The following HDAC11 variants were observed in gnomAD, a reference collection of about 807,000 sequenced individuals.
The protein encoded by HDAC11 is histone deacetylase 11.
A neutral mutation model predicts 41.1 loss-of-function variants in HDAC11; 23 were observed. The ratio of observed to expected loss-of-function variants is 0.56; its 90% CI spans 0.40 to 0.79. The LOEUF (loss-of-function observed/expected upper bound fraction) is 0.79. Among genes scored for constraint, HDAC11 ranks in the 30% least tolerant of loss-of-function variants. The probability of loss-of-function intolerance (pLI) is 0.00; values close to 1 mark genes in which losing one functional copy is unlikely to be tolerated. For missense variants in HDAC11, 402 were observed against 477.3 expected, an observed-to-expected ratio of 0.84 and a Z score of 1.47; for synonymous variants, 187 against 186.6, an observed-to-expected ratio of 1.00 and a Z score of -0.02.
intron 3 of HDAC11, among the ~76,000 whole-genome samples, chr3:13,495,926 C>T (rs1306867749): frequency 6.6e-6 from 1 of 152,270 alleles, no homozygotes; most frequent in Admixed American, 6.5e-5. Context: ...CTGCAAGTGT[C>T]CTGGCATGAG....
intron 3 of HDAC11, among the ~76,000 whole-genome samples, chr3:13,491,041 G>C (rs559482513): frequency 2.0e-5 from 3 of 151,308 alleles, no homozygotes; most frequent in African/African-American, 7.3e-5. Context: ...GAGCCACTGC[G>C]CCTGGCCTGT....
rs377739778 is a variant in HDAC11 at position 13,495,688 on chromosome 3, G to A, written c.253-1048G>A. On this transcript the variant is annotated intron_variant, in intron 3 of 9. Coordinates refer to ENST00000295757, the MANE Select transcript of HDAC11 (RefSeq NM_024827.4). ...GTGTGAGCCTGTGCTAGGAGACCAG[G>A]CCCTGTGTGATAAGCTCAGCCTGCC... Among the ~76,000 whole-genome samples the A allele has an allele frequency of 2.6e-4, 39 of 152,268 alleles. No homozygotes were observed. The East Asian group carries it at 4.1e-3, about 16-fold the overall frequency.
At chr3:13,490,151 GC>G (rs1246009456) in intron 3 of HDAC11, among the ~76,000 whole-genome samples, 2 of 151,982 alleles carry the variant, frequency 1.3e-5, no homozygotes, top group African/African-American at 4.8e-5. Flanking sequence ...CCGGCACCAC[GC>G]CTAGCTAATT....
intron 3 of HDAC11, among the ~76,000 whole-genome samples, chr3:13,494,983 C>CCTGCCTG (rs1702029297): frequency 6.6e-6 from 1 of 152,062 alleles, no homozygotes; most frequent in African/African-American, 2.4e-5. Context: ...CCACCCTCTC[C>CCTGCCTG]CTGCCTGCTG....
In HDAC11 at chr3:13,504,535, T is replaced by C. The variant is rs1477691300; in HGVS notation, c.896T>C (p.Val299Ala). 6.2e-7 allele frequency: 1 copy of C among 1,613,530 alleles called. No homozygotes were observed. Residue 299 changes from valine (V) to alanine (A), a missense_variant, in exon 10 of 10, where the codon GTG becomes GCG. Physicochemically the swap from Val to Ala is moderately conservative, Grantham distance 64. Transcript: ENST00000295757. ...GGCCGCCGGGTGCCCATCCTTATGG[T>C]GACCTCAGGCGGGTACCAGAAGCGC... ...VRGRRVPILM[V>A]TSGGYQKRTA...
At chr3:13,482,313 A>G (rs1338132908) in intron 2 of HDAC11, among the ~76,000 whole-genome samples, 6 of 152,270 alleles carry the variant, frequency 3.9e-5, no homozygotes, top group Admixed American at 1.3e-4. Context: ...TTCACTTGCC[A>G]TAAATAGGTC....
rs1327101946 is a variant in HDAC11, at chr3:13,498,550, A to G, written c.407A>G (p.Asn136Ser). 3.1e-6 allele frequency: 5 copies of G among 1,611,528 alleles called. No individual in the cohort carries two copies. The highest frequency in any genetic ancestry group is 3.3e-5 in the Admixed American group (2 of 59,914). Reference protein sequence around the residue: ...KLAVERGWAINVGGGFHHCSS... With the variant: ...KLAVERGWAISVGGGFHHCSS... ...GCTGTGGAGCGAGGCTGGGCCATCA[A>G]CGTGGGTGAGTGCTGGGAATGTCCT... Residue 136 changes from asparagine to serine, a missense_variant, in exon 5 of 10, where the codon AAC (asparagine) becomes AGC (serine). Transcript: ENST00000295757.
chr3:13,490,825 A>C (rs1215572152), intron 3 of HDAC11, among the ~76,000 whole-genome samples: 2 of 130,064 alleles, frequency 1.5e-5, no homozygotes, highest in East Asian at 4.5e-4. Flanking sequence ...ATCTCGGCTC[A>C]CTGCAACCTC....
intron 3 of HDAC11, among the ~76,000 whole-genome samples, chr3:13,487,073 GTA>G (rs1701629828): frequency 1.3e-5 from 2 of 152,296 alleles, no homozygotes; most frequent in African/African-American, 4.8e-5. Flanking sequence ...TGGGAGGAGT[GTA>G]TATGTTGTTC....
chr3:13,494,247 G>C (rs1477550656), intron 3 of HDAC11, among the ~76,000 whole-genome samples: 3 of 152,222 alleles, frequency 2.0e-5, no homozygotes, highest in African/African-American at 7.2e-5. Flanking sequence ...CCCAGGGAGG[G>C]AGGGAGGCTG....
chr3:13,486,331 T>G (rs1456049571), intron 3 of HDAC11, among the ~76,000 whole-genome samples: 1 of 150,394 alleles, frequency 6.6e-6, no homozygotes, highest in Non-Finnish European at 1.5e-5. Flanking sequence ...CACATCTGTA[T>G]TGAATGCCAA....
At chr3:13,486,270 A>G (rs1701564575) in intron 3 of HDAC11, among the ~76,000 whole-genome samples, 1 of 145,948 alleles carries the variant, frequency 6.9e-6, no homozygotes, top group African/African-American at 2.6e-5. Flanking sequence ...TCCATCTCAA[A>G]AAAAAAAAAA....
chr3:13,489,956 G>A (rs905941290), intron 3 of HDAC11, among the ~76,000 whole-genome samples: 25 of 151,366 alleles, frequency 1.7e-4, no homozygotes, highest in African/African-American at 5.6e-4. Flanking sequence ...TGGCTTTGGA[G>A]CAAATTTTGA....
At chr3:13,495,064 A>G (rs1475917280) in intron 3 of HDAC11, among the ~76,000 whole-genome samples, 1 of 151,874 alleles carries the variant, frequency 6.6e-6, no homozygotes, top group Non-Finnish European at 1.5e-5. Context: ...TGGTGAACGC[A>G]ATGGCCACAC....
At chr3:13,504,403 C>T (rs1204470556) in intron 9 of HDAC11, 65 bp from the exon 10 acceptor site, 6 of 1,597,060 alleles carry the variant, frequency 3.8e-6, no homozygotes, top group Admixed American at 1.7e-5. Context: ...GCTAGCCCTG[C>T]AGCAGGACTT....
intron 3 of HDAC11, among the ~76,000 whole-genome samples, chr3:13,490,672 A>G (rs1186393135): frequency 4.0e-5 from 6 of 151,856 alleles, no homozygotes; most frequent in Non-Finnish European, 4.4e-5. Flanking sequence ...AGTTGTATAG[A>G]AATACAACTG....
intron 3 of HDAC11, among the ~76,000 whole-genome samples, chr3:13,486,889 G>C (rs941062170): frequency 6.6e-6 from 1 of 152,126 alleles, no homozygotes; most frequent in Admixed American, 6.5e-5. Context: ...CTCATGTATA[G>C]CTTTGAAGGA....
Position 13,502,620 on chromosome 3 carries a change from G to C in HDAC11, c.553-264G>C, listed in dbSNP as rs1702424778. On this transcript the variant is annotated intron_variant, in intron 7 of 9. Transcript: ENST00000295757. The surrounding 1 kb of genome is among the most constrained non-coding windows in gnomAD (Gnocchi z 4.1). ...TCCCAACCAGTCCCACCACAGACTT[G>C]AGAGGGTGGCAGAGCGGGATTTCTT... 3 of 404,076 alleles carry C rather than the reference G, an allele frequency of 7.4e-6. No homozygotes were observed. The highest frequency in any genetic ancestry group is 1.4e-5 in the Non-Finnish European group (3 of 218,098). The allele number at this position is 404,076 out of a possible 1,614,324, so 25.0% of individuals were successfully genotyped here.
intron 3 of HDAC11, among the ~76,000 whole-genome samples, chr3:13,494,685 C>G (rs1702014611): frequency 6.6e-6 from 1 of 152,154 alleles, no homozygotes; most frequent in African/African-American, 2.4e-5. Context: ...TCACTGCCTT[C>G]TCTACCAGAG....
Sources: allele counts gnomAD v4.1 joint callset (sites outside exome capture counted in the v4.1 genomes callset), GRCh38; gene constraint gnomAD v4.1.1; non-coding constraint Gnocchi (gnomAD v3.1); transcripts MANE v1.5; gene names NCBI Gene and HGNC (gene_info 2026-07-23, HGNC 2026-07-21).